The following PDE5A variants were observed in gnomAD, a reference collection of about 807,000 sequenced individuals.
PDE5A encodes the protein cGMP-specific 3',5'-cyclic phosphodiesterase.
In PDE5A, 67 loss-of-function variants were observed where a neutral mutation model predicts 110.2. The ratio of observed to expected loss-of-function variants is 0.61; its 90% CI spans 0.50 to 0.75. The LOEUF is 0.75. PDE5A is among the 30% of genes least tolerant of loss of function. The pLI is 0.00. For synonymous variants in PDE5A, 328 were observed against 351.2 expected, an observed-to-expected ratio of 0.93 and a Z score of 0.74; for missense variants, 862 against 1,045.1, an observed-to-expected ratio of 0.82 and a Z score of 2.42.
intron 9 of PDE5A, chr4:119,551,984 T>A (rs1357099232): frequency 6.6e-6 from 1 of 152,090 alleles, no homozygotes; most frequent in Non-Finnish European, 1.5e-5. Context: ...ATAACTGCAA[T>A]ACCAGGAAAC....
At chr4:119,521,156 A>C in intron 12 of PDE5A, 96 bp from the exon 13 acceptor site, 1 of 1,213,790 alleles carries the variant, frequency 8.2e-7, no homozygotes, top group Non-Finnish European at 1.2e-6. Flanking sequence ...ATTTAGCCTG[A>C]TACTCCGATT....
intron 3 of PDE5A, among the ~76,000 whole-genome samples, chr4:119,580,922 A>G (rs1211063363): frequency 1.3e-5 from 2 of 152,238 alleles, no homozygotes; most frequent in Non-Finnish European, 2.9e-5. Context: ...ACGACTTCAG[A>G]GCCCTGGATC....
At chr4:119,505,367 T>A in intron 17 of PDE5A, among the ~76,000 whole-genome samples, 1 of 151,950 alleles carries the variant, frequency 6.6e-6, no homozygotes, top group East Asian at 1.9e-4. Flanking sequence ...AGTTCTAGAT[T>A]TTCAGCTGTG....
At chr4:119,505,976 G>A (rs948673628) in intron 16 of PDE5A, 44 bp from the exon 17 acceptor site, 11 of 1,115,330 alleles carry the variant, frequency 9.9e-6, no homozygotes, top group Non-Finnish European at 1.4e-5. Flanking sequence ...TGAGTACCCA[G>A]GGTCTTATCC....
At chr4:119,534,707 A>C (rs1391085183) in intron 11 of PDE5A, among the ~76,000 whole-genome samples, 1 of 152,174 alleles carries the variant, frequency 6.6e-6, no homozygotes, top group African/African-American at 2.4e-5. Flanking sequence ...CCATCCATAC[A>C]GAGTTTTCAA....
chr4:119,505,834 A>T, intron 17 of PDE5A, 21 bp downstream of exon 17: 1 of 1,406,404 alleles, frequency 7.1e-7, no homozygotes, highest in Non-Finnish European at 9.8e-7. Flanking sequence ...CTTCAGCTTT[A>T]AAGATAGTAA....
chr4:119,551,857 TA>T (rs1479897250), intron 9 of PDE5A: 1 of 152,210 alleles, frequency 6.6e-6, no homozygotes, highest in Non-Finnish European at 1.5e-5. Context: ...ATTTAACCTT[TA>T]AAAAGTTATC....
At chr4:119,565,189 A>C (rs183642400) in intron 5 of PDE5A, 132 bp downstream of exon 5, 17 of 636,970 alleles carry the variant, frequency 2.7e-5, no homozygotes, top group African/African-American at 2.6e-4. Context: ...AATGACTACT[A>C]GAAAAAATAA....
At chr4:119,616,099 A>G (rs1729934276) in intron 1 of PDE5A, among the ~76,000 whole-genome samples, 1 of 152,198 alleles carries the variant, frequency 6.6e-6, no homozygotes, top group Admixed American at 6.5e-5. Flanking sequence ...CCTTTTAACA[A>G]GAGTGAATTT....
chr4:119,567,182 A>G, intron 3 of PDE5A, 38 bp from the exon 4 acceptor site: 1 of 1,411,992 alleles, frequency 7.1e-7, no homozygotes, highest in Non-Finnish European at 1.0e-6. Flanking sequence ...TTTTTTATTG[A>G]CTGAAATTAC....
chr4:119,548,456 A>G (rs548467291), intron 9 of PDE5A: 2 of 152,230 alleles, frequency 1.3e-5, no homozygotes, highest in African/African-American at 2.4e-5. Context: ...ATTTTACTCA[A>G]TGAAAGGTGA....
At chr4:119,605,646 CAA>C (rs199717561) in intron 2 of PDE5A, among the ~76,000 whole-genome samples, 1 of 142,820 alleles carries the variant, frequency 7.0e-6, no homozygotes, top group Non-Finnish European at 1.5e-5. Context: ...GACTCCATCT[CAA>C]AAAAAAAAAG....
At chr4:119,511,178 T>A in intron 14 of PDE5A, 44 bp from the exon 15 acceptor site, 1 of 1,197,914 alleles carries the variant, frequency 8.3e-7, no homozygotes, top group Non-Finnish European at 1.2e-6. Context: ...TCAGTTTCCT[T>A]AATATGCCAT....
At chr4:119,567,167 A>T in intron 3 of PDE5A, 23 bp from the exon 4 acceptor site, 1 of 1,569,778 alleles carries the variant, frequency 6.4e-7, no homozygotes, top group Non-Finnish European at 8.7e-7. Flanking sequence ...GAGAAAAGCG[A>T]CAATTTTTTT....
chr4:119,598,162 T>A (rs1729219592), intron 2 of PDE5A, among the ~76,000 whole-genome samples: 1 of 152,158 alleles, frequency 6.6e-6, no homozygotes, highest in Non-Finnish European at 1.5e-5. Context: ...TTAATAAACA[T>A]TTGAATTATG....
chr4:119,559,600 A>G (rs1463157434), intron 7 of PDE5A, among the ~76,000 whole-genome samples: 1 of 152,168 alleles, frequency 6.6e-6, no homozygotes, highest in Non-Finnish European at 1.5e-5. Flanking sequence ...AAAAAGGAAA[A>G]AAGATATTAC....
chr4:119,523,182 A>G (rs779923742), intron 12 of PDE5A, among the ~76,000 whole-genome samples: 3 of 152,118 alleles, frequency 2.0e-5, no homozygotes, highest in Non-Finnish European at 2.9e-5. Context: ...TTGTTGTGGT[A>G]GAGAGTGGAA....
intron 3 of PDE5A, among the ~76,000 whole-genome samples, chr4:119,570,404 T>C (rs891705771): frequency 6.6e-6 from 1 of 152,190 alleles, no homozygotes; most frequent in African/African-American, 2.4e-5. Context: ...CACTTTTGCC[T>C]ACCTGCTGGC....
chr4:119,575,541 T>G (rs1411073052), intron 3 of PDE5A, among the ~76,000 whole-genome samples: 1 of 152,120 alleles, frequency 6.6e-6, no homozygotes, highest in Non-Finnish European at 1.5e-5. Flanking sequence ...TCAACATTCT[T>G]AAAGAAAAGA....
Sources: gnomAD v4.1 joint callset for allele counts (sites outside exome capture counted in the v4.1 genomes callset) on GRCh38, gnomAD v4.1.1 for gene constraint, MANE v1.5 for transcripts, NCBI Gene and HGNC (gene_info 2026-07-23, HGNC 2026-07-21) for gene names.